TNKS: variants seen among roughly 807,000 people sequenced by gnomAD.
TNKS encodes the protein poly [ADP-ribose] polymerase tankyrase-1.
In TNKS, 72 loss-of-function variants were observed where a neutral mutation model predicts 135.8. The ratio of observed to expected loss-of-function variants is 0.53; its 90% confidence interval spans 0.44 to 0.64. The LOEUF (loss-of-function observed/expected upper bound fraction) is 0.64. Ranked by LOEUF, TNKS falls within the 30% of genes least tolerant of loss-of-function variation. The pLI is 0.00. For missense variants in TNKS, 1,769 were observed against 1,674.0 expected (o/e 1.06, Z -0.99); for synonymous variants, 849 against 649.3 (o/e 1.31, Z -4.68).
chr8:9,769,234 C>T (rs1400926300), intron 25 of TNKS, among the ~76,000 whole-genome samples: 1 of 152,162 alleles, frequency 6.6e-6, no homozygotes, highest in Non-Finnish European at 1.5e-5. Flanking sequence ...TTTACAAAAC[C>T]AGATTGCAGG....
chr8:9,756,915 T>C (rs976028827), intron 20 of TNKS, among the ~76,000 whole-genome samples: 1 of 152,154 alleles, frequency 6.6e-6, no homozygotes, highest in Non-Finnish European at 1.5e-5. Context: ...TTTGATCATA[T>C]TACTCTGCTG....
chr8:9,562,050 C>G (rs924212086), intron 1 of TNKS, among the ~76,000 whole-genome samples: 1 of 152,144 alleles, frequency 6.6e-6, no homozygotes, highest in Non-Finnish European at 1.5e-5. Context: ...CTCCTGACCT[C>G]AGGTGTTCCA....
intron 14 of TNKS, 144 bp downstream of exon 14, chr8:9,731,179 G>A: frequency 8.9e-7 from 1 of 1,118,964 alleles, no homozygotes; most frequent in South Asian, 2.0e-5. Context: ...ATAGAAATGT[G>A]CCAGGCATGG....
At chr8:9,680,588 G>T in intron 4 of TNKS, 137 bp from the exon 5 acceptor site, 1 of 587,782 alleles carries the variant, frequency 1.7e-6, no homozygotes, top group Non-Finnish European at 3.1e-6. Flanking sequence ...ATTGAATATT[G>T]CAAAAGAGAT....
In TNKS at chr8:9,556,119, G is replaced by A. The variant is rs974784627; in HGVS notation, c.180G>A (p.Arg60=). ...GCCTGGCCCCCTTCGCCTCCCCGCG[G>A]CACGGCCTAGCGCTGCCGGAGGGGG... The part of the protein sequence containing the change: ...ASGLAPFASP[R]HGLALPEGDG... The change falls in exon 1 of 27, where the codon CGG becomes CGA. Residue 60 remains arginine (R), a synonymous_variant. Transcript: ENST00000310430. 6 of 1,600,954 alleles carry A rather than the reference G, an allele frequency of 3.7e-6. No individual in the cohort carries two copies. The African/African-American group carries it at 5.4e-5, about 14-fold the overall frequency.
chr8:9,744,239 C>G (rs2128824054), intron 17 of TNKS, among the ~76,000 whole-genome samples: 1 of 152,222 alleles, frequency 6.6e-6, no homozygotes. Flanking sequence ...CATGTTTATA[C>G]AAGACAGTTA....
At chr8:9,716,137 A>G (rs1024547991) in intron 11 of TNKS, among the ~76,000 whole-genome samples, 2 of 152,290 alleles carry the variant, frequency 1.3e-5, no homozygotes, top group East Asian at 3.9e-4. Flanking sequence ...TGACAGATTT[A>G]TTTACATTGT....
At chr8:9,591,499 C>T (rs376623740) in intron 2 of TNKS, among the ~76,000 whole-genome samples, 2 of 152,164 alleles carry the variant, frequency 1.3e-5, no homozygotes, top group African/African-American at 4.8e-5. Flanking sequence ...AAAGAAGCTG[C>T]GTTGCCCTAA....
Position 9,764,787 on chromosome 8 carries a change from T to C in TNKS, c.3444T>C (p.Ile1148=), listed in dbSNP as rs1325226894. The change falls in exon 23 of 27, where the codon ATT becomes ATC. Residue 1148 remains isoleucine, a synonymous_variant. Coordinates refer to ENST00000310430, the MANE Select transcript of TNKS (RefSeq NM_003747.3). ...AGGIFNRYNV[I]RIQKVVNKKL... is the part of the protein sequence containing the mutation. The stretch of plus-strand genomic sequence containing the variant: ...GCATCTTCAACAGATACAATGTCAT[T>C]CGAGTAAGTTTTTAAAGTTTCATGG... The C allele has an allele frequency of 1.3e-6, 2 of 1,588,460 alleles. No homozygotes were observed. Among genetic ancestry groups the C allele is most frequent in the African/African-American group, 2.7e-5 (2 of 73,544 alleles).
intron 2 of TNKS, among the ~76,000 whole-genome samples, chr8:9,605,587 A>C (rs1360530996): frequency 6.6e-6 from 1 of 152,096 alleles, no homozygotes; most frequent in African/African-American, 2.4e-5. Context: ...AAAATGGTTA[A>C]ACCATTCATT....
intron 2 of TNKS, among the ~76,000 whole-genome samples, chr8:9,585,927 C>CGTTA (rs1247580240): frequency 1.3e-5 from 2 of 152,110 alleles, no homozygotes; most frequent in Non-Finnish European, 2.9e-5. Flanking sequence ...TCAAAGAGAC[C>CGTTA]TGTTCCTTGA....
intron 3 of TNKS, among the ~76,000 whole-genome samples, chr8:9,648,393 T>C (rs1800999623): frequency 6.6e-6 from 1 of 152,166 alleles, no homozygotes; most frequent in African/African-American, 2.4e-5. Context: ...CTTTTTCTGA[T>C]TTTAAAACTT....
At chr8:9,579,032 C>G (rs1168768760) in intron 1 of TNKS, among the ~76,000 whole-genome samples, 2 of 152,160 alleles carry the variant, frequency 1.3e-5, no homozygotes, top group African/African-American at 2.4e-5. Flanking sequence ...TCCTTGACTT[C>G]CACGATGTTG....
At position 9,710,254 on chromosome 8, in the gene TNKS, A is replaced by G. The variant is rs774449552; in HGVS notation, c.1749+34A>G. The G allele has an allele frequency of 5.1e-5, 82 of 1,595,834 alleles. No homozygotes were observed. In the Admixed American group the frequency reaches 1.3e-3, roughly 25 times the overall value. On this transcript the variant is annotated intron_variant, in intron 11 of 26. Transcript: ENST00000310430. Reference sequence around the variant, plus strand: ...CACACCTGAGCAGAGTGCCAGACTCAGCACTGAGCAGCCAGCTGCTCTTAA... The same window carrying G: ...CACACCTGAGCAGAGTGCCAGACTCGGCACTGAGCAGCCAGCTGCTCTTAA...
intron 5 of TNKS, among the ~76,000 whole-genome samples, chr8:9,701,490 G>C (rs1427027133): frequency 6.6e-6 from 1 of 152,172 alleles, no homozygotes; most frequent in East Asian, 1.9e-4. Context: ...AGCAGTCCTT[G>C]TCTGTGGAGG....
At position 9,652,914 on chromosome 8, in the gene TNKS, T is replaced by C. The variant is rs377670376; in HGVS notation, c.995-27037T>C. ...GTTACATGATTTGGTCAAACTTACA[T>C]GGTTAGATAATGGCAGAGCCAGGAT... On this transcript the variant is annotated intron_variant, in intron 3 of 26. Coordinates refer to ENST00000310430, the MANE Select transcript of TNKS (RefSeq NM_003747.3). Among the ~76,000 whole-genome samples the C allele has an allele frequency of 3.5e-4, 53 of 152,170 alleles. 2 individuals are homozygous for C. Among genetic ancestry groups the C allele is most frequent in the Admixed American group, 2.2e-3 (34 of 15,264 alleles).
intron 1 of TNKS, among the ~76,000 whole-genome samples, chr8:9,560,546 G>C (rs556751352): frequency 2.1e-5 from 2 of 93,126 alleles, no homozygotes; most frequent in African/African-American, 8.6e-5. Context: ...TTGTACAAAT[G>C]TCGTTCCTGT....
At chr8:9,775,586 G>A (rs1232602102) in intron 26 of TNKS, among the ~76,000 whole-genome samples, 1 of 147,132 alleles carries the variant, frequency 6.8e-6, no homozygotes, top group Non-Finnish European at 1.5e-5. Flanking sequence ...ACTCTCTAAT[G>A]AATAATACTA....
chr8:9,691,786 T>A (rs1404072989), intron 5 of TNKS, among the ~76,000 whole-genome samples: 1 of 152,230 alleles, frequency 6.6e-6, no homozygotes, highest in Admixed American at 6.5e-5. Context: ...AAATTTTTTG[T>A]ATATGCTATG....
Sources: allele counts gnomAD v4.1 joint callset (sites outside exome capture counted in the v4.1 genomes callset), GRCh38; gene constraint gnomAD v4.1.1; transcripts MANE v1.5; gene names NCBI Gene and HGNC (gene_info 2026-07-23, HGNC 2026-07-21).